The following GSPT2 variants were observed in gnomAD, a reference collection of about 807,000 sequenced individuals.
The protein encoded by GSPT2 is G1 to S phase transition 2.
Under a neutral mutation model 24.6 loss-of-function variants are expected in GSPT2, and 2 were observed. That is an observed-to-expected ratio of 0.08 (90% CI 0.03 to 0.26). The LOEUF (loss-of-function observed/expected upper bound fraction) is 0.26. Among genes scored for constraint, GSPT2 ranks in the 10% least tolerant of loss-of-function variants. GSPT2 has a pLI of 1.00. For synonymous variants in GSPT2, 194 were observed against 189.3 expected (o/e 1.02, Z -0.20); for missense variants, 322 against 489.6 (o/e 0.66, Z 3.23).
At position 51,743,940 on chromosome X, in the gene GSPT2, G is replaced by A; in HGVS notation, c.314G>A (p.Gly105Glu). The change falls in exon 1 of 1, where the codon GGA becomes GAA. Residue 105 changes from glycine to glutamate, a missense_variant. Transcript: ENST00000340438. ...GGATACCCTCAAGGTAAAAGGATGG[G>A]ACGGGGGGCACCTGTGGAACCTTCC... ...GAGYPQGKRM[G>E]RGAPVEPSRE... The A allele has an allele frequency of 5.8e-6, 7 of 1,206,622 alleles. No individual in the cohort carries two copies. The highest frequency in any genetic ancestry group is 7.8e-6 in the Non-Finnish European group (7 of 892,807).
In GSPT2 at chrX:51,743,713, G is replaced by C; in HGVS notation, c.87G>C (p.Gly29=). 2.5e-6 allele frequency: 3 copies of C among 1,210,685 alleles called. No homozygotes were observed. The highest frequency in any genetic ancestry group is 3.4e-6 in the Non-Finnish European group (3 of 894,714). The change falls in exon 1 of 1, where the codon GGG becomes GGC. Residue 29 remains glycine, a synonymous_variant. Transcript: ENST00000340438. ...AATCCCCGGGGTCGGCCCCGAGCGG[G>C]GATGGAGTCTCCTCTGCGGTGGCCG... ...DMESPGSAPS[G]DGVSSAVAEA...
Position 51,745,303 on chromosome X carries a change from C to T in GSPT2, c.1677C>T (p.Ser559=). 1 of 1,208,776 alleles carries T rather than the reference C, an allele frequency of 8.3e-7. No individual in the cohort carries two copies. Among genetic ancestry groups the T allele is most frequent in the Non-Finnish European group, 1.1e-6 (1 of 893,078 alleles). ...IEEVEITALI[S]LVDKKSGEKS... ...AAGTTGAGATAACAGCGTTAATCTC[C>T]TTGGTAGACAAAAAATCAGGAGAAA... The change falls in exon 1 of 1, where the codon TCC becomes TCT. Residue 559 remains serine (S), a synonymous_variant. Coordinates refer to ENST00000340438, the MANE Select transcript of GSPT2 (RefSeq NM_018094.5).
chrX:51,746,225 T>C lies in GSPT2; in HGVS notation c.*712T>C, dbSNP rs1162149914. The C allele has an allele frequency of 8.0e-6, 1 of 124,274 alleles. No individual in the cohort carries two copies. The highest frequency in any genetic ancestry group is 1.9e-5 in the Non-Finnish European group (1 of 53,471). The allele number at this position is 124,274 out of a possible 1,213,427, so 10.2% of individuals were successfully genotyped here. A position where few individuals can be genotyped will look rare whatever the true frequency, so the allele number is the denominator to read the frequency against. ...AGCTCTTCTGCTTCCCCACTTGTGA[T>C]TTGAAAATGAAAGGCTCAGGCCGTC... On this transcript the variant is annotated 3_prime_UTR_variant, in exon 1 of 1. Transcript: ENST00000340438.
chrX:51,743,885 G>T lies in GSPT2; in HGVS notation c.259G>T (p.Gly87Cys). The T allele has an allele frequency of 1.7e-6, 2 of 1,205,001 alleles. No homozygotes were observed. The highest frequency in any genetic ancestry group is 2.2e-6 in the Non-Finnish European group (2 of 892,006). Residue 87 changes from glycine (G) to cysteine (C), a missense_variant, in exon 1 of 1, where the codon GGC becomes TGC. Physicochemically the swap from Gly to Cys is radical, Grantham distance 159 (BLOSUM62 -3). Transcript: ENST00000340438. ...TQPPTLPAGS[G>C]SNDETCTGAG... ...GCCGCCCACCCTCCCGGCCGGCTCC[G>T]GCAGCAACGATGAAACCTGCACCGG...
Position 51,746,045 on chromosome X carries a change from T to TAAAAACTC in GSPT2, c.*533_*540dup, listed in dbSNP as rs1409710937. The TAAAAACTC allele has an allele frequency of 2.3e-4, 29 of 124,702 alleles. No homozygotes were observed. The highest frequency in any genetic ancestry group is 9.3e-5 in the Non-Finnish European group (5 of 53,875). 10.3% of individuals were successfully genotyped at this position (124,702 alleles called of 1,213,427 possible). ...GAATATGTTCTATCACTTAAAAACT[T>TAAAAACTC]AAAAACTCTTCACCACTTACTGTTT... On this transcript the variant is annotated 3_prime_UTR_variant, in exon 1 of 1. Coordinates refer to ENST00000340438, the MANE Select transcript of GSPT2 (RefSeq NM_018094.5).
chrX:51,745,169 C>T lies in GSPT2; in HGVS notation c.1543C>T (p.Leu515Phe). 1.7e-6 allele frequency: 2 copies of T among 1,203,101 alleles called. No homozygotes were observed. Among genetic ancestry groups the T allele is most frequent in the Non-Finnish European group, 2.3e-6 (2 of 887,826 alleles). Residue 515 changes from leucine (L) to phenylalanine (F), a missense_variant, in exon 1 of 1, where the codon CTC becomes TTC. Transcript: ENST00000340438. ...PGFILCDPSN[L>F]CHSGRTFDVQ... ...ATTCATACTTTGTGATCCTAGTAAC[C>T]TCTGCCATTCTGGACGCACGTTTGA...
Position 51,744,767 on chromosome X carries a change from C to T in GSPT2, c.1141C>T (p.Pro381Ser). 1 of 1,209,950 alleles carries T rather than the reference C, an allele frequency of 8.3e-7. No individual in the cohort carries two copies. Among genetic ancestry groups the T allele is most frequent in the Non-Finnish European group, 1.1e-6 (1 of 894,057 alleles). ...VPFLKKVGFS[P>S]KKDIHFMPCS... Reference sequence around the variant, plus strand: ...CTTTTTGAAAAAAGTAGGCTTCAGTCCAAAAAAGGACATTCACTTTATGCC... The same window carrying T: ...CTTTTTGAAAAAAGTAGGCTTCAGTTCAAAAAAGGACATTCACTTTATGCC... The change falls in exon 1 of 1, where the codon CCA (proline) becomes TCA (serine). Residue 381 changes from proline to serine, a missense_variant. Pro to Ser is a moderately conservative substitution (Grantham distance 74, BLOSUM62 -1). Coordinates refer to ENST00000340438, the MANE Select transcript of GSPT2 (RefSeq NM_018094.5).
chrX:51,743,459 C>T lies in GSPT2; in HGVS notation c.-168C>T, dbSNP rs1388847402. On this transcript the variant is annotated 5_prime_UTR_variant, in exon 1 of 1. Coordinates refer to ENST00000340438, the MANE Select transcript of GSPT2 (RefSeq NM_018094.5). ...GAGCCGCCATATCTGCTGCTGCCGC[C>T]GCAGTTGCGAATGCAGCATCGGCGC... 1.2e-5 allele frequency: 5 copies of T among 422,830 alleles called. No individual in the cohort carries two copies. The highest frequency in any genetic ancestry group is 1.6e-5 in the Non-Finnish European group (4 of 248,958). The allele number at this position is 422,830 out of a possible 1,213,427, so 34.8% of individuals were successfully genotyped here. A position where few individuals can be genotyped will look rare whatever the true frequency, so the allele number is the denominator to read the frequency against.
In GSPT2 at chrX:51,744,951, T is replaced by C; in HGVS notation, c.1325T>C (p.Met442Thr). 1 of 1,207,662 alleles carries C rather than the reference T, an allele frequency of 8.3e-7. No individual in the cohort carries two copies. The highest frequency in any genetic ancestry group is 1.1e-6 in the Non-Finnish European group (1 of 891,985). The change falls in exon 1 of 1, where the codon ATG becomes ACG. Residue 442 changes from methionine to threonine, a missense_variant. Met to Thr is a moderately conservative substitution (Grantham distance 81). Transcript: ENST00000340438. Reference sequence around the variant, plus strand: ...CCAATTGTGGATAAGTACAAAGATATGGGCACTGTGGTCCTGGGAAAGCTG... The same window carrying C: ...CCAATTGTGGATAAGTACAAAGATACGGGCACTGTGGTCCTGGGAAAGCTG... Reference protein sequence around the residue: ...RLPIVDKYKDMGTVVLGKLES... With the variant: ...RLPIVDKYKDTGTVVLGKLES...
chrX:51,745,114 G>A lies in GSPT2; in HGVS notation c.1488G>A (p.Lys496=). Residue 496 remains lysine (K), a synonymous_variant, in exon 1 of 1, where the codon AAG becomes AAA. Transcript: ENST00000340438. The stretch of plus-strand genomic sequence containing the variant: ...GTGAAAACCTCAAAATCAGACTGAA[G>A]GGAATTGAAGAAGAAGAGATTCTTC... ...APGENLKIRL[K]GIEEEEILPG... 8.3e-7 allele frequency: 1 copy of A among 1,209,760 alleles called. No homozygotes were observed. The highest frequency in any genetic ancestry group is 1.1e-6 in the Non-Finnish European group (1 of 893,794).
At position 51,743,878 on chromosome X, in the gene GSPT2, C is replaced by T. The variant is rs372010626; in HGVS notation, c.252C>T (p.Ala84=). ...RGPTQPPTLP[A]GSGSNDETCT... is the part of the protein sequence containing the mutation. Reference sequence around the variant, plus strand: ...CGACTCAGCCGCCCACCCTCCCGGCCGGCTCCGGCAGCAACGATGAAACCT... The same window carrying T: ...CGACTCAGCCGCCCACCCTCCCGGCTGGCTCCGGCAGCAACGATGAAACCT... The change falls in exon 1 of 1, where the codon GCC becomes GCT. Residue 84 remains alanine (A), a synonymous_variant. Coordinates refer to ENST00000340438, the MANE Select transcript of GSPT2 (RefSeq NM_018094.5). The T allele has an allele frequency of 7.6e-5, 91 of 1,203,881 alleles. No homozygotes were observed. The highest frequency in any genetic ancestry group is 7.0e-5 in the Non-Finnish European group (62 of 891,924).
chrX:51,745,459 G>A lies in GSPT2; in HGVS notation c.1833G>A (p.Glu611=), dbSNP rs1569554921. 2.5e-6 allele frequency: 3 copies of A among 1,207,082 alleles called. No homozygotes were observed. The highest frequency in any genetic ancestry group is 3.4e-6 in the Non-Finnish European group (3 of 892,409). Residue 611 remains glutamate (E), a synonymous_variant, in exon 1 of 1, where the codon GAG becomes GAA. Transcript: ENST00000340438. ...TGGGTCGTTTTACTTTAAGAGATGA[G>A]GGTAAGACCATTGCAATTGGAAAAG... The part of the protein sequence containing the change: ...PQMGRFTLRD[E]GKTIAIGKVL...
Position 51,745,010 on chromosome X carries a change from G to A in GSPT2, c.1384G>A (p.Val462Met). 1 of 1,208,364 alleles carries A rather than the reference G, an allele frequency of 8.3e-7. No individual in the cohort carries two copies. The highest frequency in any genetic ancestry group is 1.7e-5 in the African/African-American group (1 of 57,714). Residue 462 changes from valine (V) to methionine (M), a missense_variant, in exon 1 of 1, where the codon GTG (valine) becomes ATG (methionine). Val to Met is a conservative substitution (Grantham distance 21, BLOSUM62 1). Transcript: ENST00000340438. The part of the protein sequence containing the change: ...SGSIFKGQQL[V>M]MMPNKHNVEV... ...GTCCATTTTTAAAGGCCAGCAGCTCGTGATGATGCCAAACAAGCACAATGT... is the reference window on the plus strand; with the variant it reads ...GTCCATTTTTAAAGGCCAGCAGCTCATGATGATGCCAAACAAGCACAATGT...
rs782309343 is a variant in GSPT2, at chrX:51,743,703, C to G, written c.77C>G (p.Ala26Gly). ...GTGGACATGGAATCCCCGGGGTCGG[C>G]CCCGAGCGGGGATGGAGTCTCCTCT... ...DQVDMESPGSAPSGDGVSSAV... is the reference protein window; with the variant it reads ...DQVDMESPGSGPSGDGVSSAV... Residue 26 changes from alanine (A) to glycine (G), a missense_variant, in exon 1 of 1, where the codon GCC becomes GGC. Ala to Gly is a moderately conservative substitution (Grantham distance 60). Transcript: ENST00000340438. The G allele has an allele frequency of 8.3e-7, 1 of 1,209,796 alleles. No individual in the cohort carries two copies. The highest frequency in any genetic ancestry group is 1.1e-6 in the Non-Finnish European group (1 of 894,279).
At position 51,743,683 on chromosome X, in the gene GSPT2, C is replaced by T; in HGVS notation, c.57C>T (p.Asp19=). Residue 19 remains aspartate (D), a synonymous_variant, in exon 1 of 1, where the codon GAC becomes GAT. Coordinates refer to ENST00000340438, the MANE Select transcript of GSPT2 (RefSeq NM_018094.5). ...DSAPDCWDQV[D]MESPGSAPSG... ...CGCCCGATTGCTGGGACCAGGTGGA[C>T]ATGGAATCCCCGGGGTCGGCCCCGA... The T allele has an allele frequency of 8.3e-7, 1 of 1,207,505 alleles. No individual in the cohort carries two copies. Among genetic ancestry groups the T allele is most frequent in the Non-Finnish European group, 1.1e-6 (1 of 893,293 alleles).
At position 51,745,326 on chromosome X, in the gene GSPT2, A is replaced by C; in HGVS notation, c.1700A>C (p.Glu567Ala). 1.7e-6 allele frequency: 2 copies of C among 1,210,961 alleles called. No individual in the cohort carries two copies. The highest frequency in any genetic ancestry group is 2.2e-6 in the Non-Finnish European group (2 of 894,759). The change falls in exon 1 of 1, where the codon GAA becomes GCA. Residue 567 changes from glutamate (E) to alanine (A), a missense_variant. This residue lies in a region of GSPT2 where 117 missense variants were observed against 204.1 expected (regional missense o/e 0.57). Transcript: ENST00000340438. ...TCCTTGGTAGACAAAAAATCAGGAG[A>C]AAAAAGTAAGACACGACCCCGCTTC... ...LISLVDKKSG[E>A]KSKTRPRFVK... is the part of the protein sequence containing the mutation.
In GSPT2 at chrX:51,744,478, A is replaced by G; in HGVS notation, c.852A>G (p.Thr284=). The change falls in exon 1 of 1, where the codon ACA becomes ACG. Residue 284 remains threonine (T), a synonymous_variant. Coordinates refer to ENST00000340438, the MANE Select transcript of GSPT2 (RefSeq NM_018094.5). ...AYFETERKHF[T]ILDAPGHKSF... is the part of the protein sequence containing the mutation. ...TTGAAACAGAAAGGAAACATTTCAC[A>G]ATTTTAGATGCCCCTGGCCACAAGA... The G allele has an allele frequency of 8.3e-7, 1 of 1,211,498 alleles. No homozygotes were observed. The highest frequency in any genetic ancestry group is 1.1e-6 in the Non-Finnish European group (1 of 895,296).
rs1557348798 is a variant in GSPT2 at position 51,743,815 on chromosome X, A to G, written c.189A>G (p.Val63=). 3.3e-6 allele frequency: 4 copies of G among 1,209,476 alleles called. No homozygotes were observed. The African/African-American group carries it at 7.0e-5, about 21-fold the overall frequency. The stretch of plus-strand genomic sequence containing the variant: ...ACGCCAAGCCCTTCGTGCCTAACGT[A>G]CACGCCGCGGAGTTCGTGCCGTCCT... ...NVNAKPFVPN[V]HAAEFVPSFL... is the part of the protein sequence containing the mutation. The change falls in exon 1 of 1, where the codon GTA becomes GTG. Residue 63 remains valine, a synonymous_variant. Coordinates refer to ENST00000340438, the MANE Select transcript of GSPT2 (RefSeq NM_018094.5).
In GSPT2 at chrX:51,744,370, A is replaced by C; in HGVS notation, c.744A>C (p.Glu248Asp). Residue 248 changes from glutamate to aspartate, a missense_variant, in exon 1 of 1, where the codon GAA becomes GAC. This residue lies in a region of GSPT2 where 72 missense variants were observed against 121.5 expected (regional missense o/e 0.59). Transcript: ENST00000340438. ...YEREAKEKNR[E>D]TWYLSWALDT... ...GAGAAGCTAAGGAAAAAAACAGAGA[A>C]ACCTGGTATTTGTCCTGGGCCTTAG... 8.3e-7 allele frequency: 1 copy of C among 1,211,447 alleles called. No individual in the cohort carries two copies. The highest frequency in any genetic ancestry group is 1.1e-6 in the Non-Finnish European group (1 of 895,223).
Sources: allele counts gnomAD v4.1 joint callset, GRCh38; gene constraint gnomAD v4.1.1; regional missense constraint gnomAD v4.1.1; transcripts MANE v1.5; gene names NCBI Gene and HGNC (gene_info 2026-07-23, HGNC 2026-07-21).